PKNOX1: variants seen among roughly 807,000 people sequenced by gnomAD.
PKNOX1 encodes PBX/knotted 1 homeobox 1, also known as homeobox protein PKNOX1.
In PKNOX1, 15 loss-of-function variants were observed where a neutral mutation model predicts 51.9. That is an observed-to-expected ratio of 0.29 (90% CI 0.19 to 0.45). The LOEUF (loss-of-function observed/expected upper bound fraction) is 0.45, where lower values mean the gene tolerates loss of function less well. Among genes scored for constraint, PKNOX1 ranks in the 20% least tolerant of loss-of-function variants. PKNOX1 has a pLI of 1.00. For missense variants in PKNOX1, 462 were observed against 547.5 expected, an observed-to-expected ratio of 0.84 and a Z score of 1.56; for synonymous variants, 219 against 211.1, an observed-to-expected ratio of 1.04 and a Z score of -0.32.
intron 1 of PKNOX1, chr21:43,004,085 A>G (rs1248069091): frequency 8.0e-6 from 2 of 249,108 alleles, no homozygotes; most frequent in East Asian, 2.2e-4. Flanking sequence ...TAAAAACACA[A>G]AATTATCCAG....
Position 42,975,846 on chromosome 21 carries a change from C to T in PKNOX1, c.-57+1182C>T, listed in dbSNP as rs867554491. ...TTTTCCTTAGGAAGTGGTTCCTCTT[C>T]AGGATGAAAGAAACCCCCAGCTTTA... On this transcript the variant is annotated intron_variant, in intron 1 of 10. Coordinates refer to ENST00000291547, the MANE Select transcript of PKNOX1 (RefSeq NM_004571.5). 5.3e-5 allele frequency among the ~76,000 whole-genome samples: 8 copies of T among 152,372 alleles called. No homozygotes were observed. In the South Asian group the frequency reaches 1.7e-3, roughly 32 times the overall value.
At chr21:43,018,085 ATCATTGAGACTT>A in intron 6 of PKNOX1, 36 bp from the exon 7 acceptor site, 1 of 804,636 alleles carries the variant, frequency 1.2e-6, no homozygotes. Flanking sequence ...AATGGTTTAA[ATCATTGAGACTT>A]AAAAGCAGCC....
intron 9 of PKNOX1, among the ~76,000 whole-genome samples, chr21:43,025,313 T>G (rs987493705): frequency 6.6e-6 from 1 of 152,236 alleles, no homozygotes; most frequent in African/African-American, 2.4e-5. Flanking sequence ...GAGCTGTTTC[T>G]CTAGGGTGCT....
intron 9 of PKNOX1, among the ~76,000 whole-genome samples, chr21:43,027,994 C>T (rs1439874121): frequency 1.3e-5 from 2 of 152,238 alleles, no homozygotes; most frequent in Admixed American, 1.3e-4. Flanking sequence ...AGTCTTATCA[C>T]AGGCGTGAGT....
intron 1 of PKNOX1, among the ~76,000 whole-genome samples, chr21:42,975,254 C>T (rs573377663): frequency 6.9e-6 from 1 of 145,154 alleles, no homozygotes; most frequent in Non-Finnish European, 1.5e-5. Flanking sequence ...ACCCCGGCCC[C>T]GGCCTCGGCC....
At chr21:43,025,002 ACC>A in intron 9 of PKNOX1, 55 bp downstream of exon 9, 2 of 1,060,004 alleles carry the variant, frequency 1.9e-6, no homozygotes, top group Non-Finnish European at 2.9e-6. Context: ...GCACTTGGAA[ACC>A]CTGGCACCAA....
intron 1 of PKNOX1, among the ~76,000 whole-genome samples, chr21:42,994,918 C>CTTTTT (rs11361350): frequency 3.5e-4 from 40 of 113,576 alleles, no homozygotes; most frequent in Non-Finnish European, 5.0e-4. Context: ...TTTCTTTCTT[C>CTTTTT]TTTTTTTTTT....
At chr21:43,014,601 G>A (rs966311764) in intron 5 of PKNOX1, among the ~76,000 whole-genome samples, 2 of 152,260 alleles carry the variant, frequency 1.3e-5, no homozygotes, top group East Asian at 1.9e-4. Context: ...CAAAGACTTC[G>A]TCTTAAGTTT....
At chr21:43,018,269 GC>G in intron 7 of PKNOX1, 39 bp downstream of exon 7, 1 of 1,332,500 alleles carries the variant, frequency 7.5e-7, no homozygotes, top group Non-Finnish European at 1.1e-6. Context: ...GGGGGCGAGT[GC>G]TGCCCACATA....
chr21:43,006,645 C>T (rs1476038912), intron 2 of PKNOX1, among the ~76,000 whole-genome samples: 1 of 152,150 alleles, frequency 6.6e-6, no homozygotes, highest in Non-Finnish European at 1.5e-5. Context: ...GCGTCCTGTG[C>T]GGGTGGGCGT....
At position 43,010,039 on chromosome 21, in the gene PKNOX1, T is replaced by C. The variant is rs536519345; in HGVS notation, c.180-14T>C. ...TAGAACGTAAATGGATTCTTTTTTT[T>C]CTTTTCTCCTCAGGCATCCACTATT... On this transcript the variant is annotated splice_polypyrimidine_tract_variant and intron_variant, in intron 3 of 10. Transcript: ENST00000291547. The C allele has an allele frequency of 5.9e-6, 9 of 1,517,630 alleles. No homozygotes were observed. The East Asian group carries it at 2.1e-4, about 36-fold the overall frequency. The allele number at this position is 1,517,630 out of a possible 1,614,324, so 94.0% of individuals were successfully genotyped here.
At chr21:43,012,980 C>A in intron 4 of PKNOX1, 88 bp from the exon 5 acceptor site, 1 of 1,037,496 alleles carries the variant, frequency 9.6e-7, no homozygotes, top group Non-Finnish European at 1.4e-6. Flanking sequence ...ATGGTTCTAT[C>A]TAATGACTAA....
intron 8 of PKNOX1, among the ~76,000 whole-genome samples, chr21:43,023,556 GA>G (rs1366016825): frequency 1.3e-5 from 2 of 152,068 alleles, no homozygotes; most frequent in African/African-American, 4.8e-5. Context: ...CAACCTTGGA[GA>G]AATTATTTAC....
chr21:42,995,784 T>C (rs376025002), intron 1 of PKNOX1, among the ~76,000 whole-genome samples: 15 of 152,378 alleles, frequency 9.8e-5, no homozygotes, highest in Non-Finnish European at 1.2e-4. Context: ...CGATGATTCC[T>C]GTCTGAAACG....
chr21:43,018,828 G>A (rs1979627867), intron 7 of PKNOX1, among the ~76,000 whole-genome samples: 1 of 152,188 alleles, frequency 6.6e-6, no homozygotes, highest in South Asian at 2.1e-4. Flanking sequence ...GCACGGTGAC[G>A]TCTGTAATCC....
intron 2 of PKNOX1, among the ~76,000 whole-genome samples, chr21:43,005,224 C>T (rs988909099): frequency 6.6e-6 from 1 of 152,150 alleles, no homozygotes; most frequent in Non-Finnish European, 1.5e-5. Context: ...GTGCAGTACA[C>T]CCCCCTCGGC....
At chr21:43,026,893 G>A (rs1357615538) in intron 9 of PKNOX1, among the ~76,000 whole-genome samples, 1 of 152,102 alleles carries the variant, frequency 6.6e-6, no homozygotes. Context: ...GGCGGGATCC[G>A]ATCTGCTTCA....
In PKNOX1 at chr21:43,021,302, G is replaced by A. The variant is rs1231665448; in HGVS notation, c.721-1G>A. ...CTAATGTTATTTTTCAACTTTAAAA[G>A]CTTCAGTTACAGTTAAACCAAGATC... On this transcript the variant is annotated splice_acceptor_variant, in intron 7 of 10. Transcript: ENST00000291547. LOFTEE classifies it high-confidence loss of function. The surrounding 1 kb of genome is among the most constrained non-coding windows in gnomAD (Gnocchi z 4.6). 2 of 1,591,958 alleles carry A rather than the reference G, an allele frequency of 1.3e-6. No individual in the cohort carries two copies. The highest frequency in any genetic ancestry group is 1.1e-5 in the South Asian group (1 of 88,840).
chr21:43,027,490 C>T (rs929153300), intron 9 of PKNOX1, among the ~76,000 whole-genome samples: 3 of 152,180 alleles, frequency 2.0e-5, no homozygotes, highest in Non-Finnish European at 4.4e-5. Flanking sequence ...AGTCTCCTTG[C>T]ACTTTCTCAC....
Sources: allele counts gnomAD v4.1 joint callset (sites outside exome capture counted in the v4.1 genomes callset), GRCh38; gene constraint gnomAD v4.1.1; non-coding constraint Gnocchi (gnomAD v3.1); transcripts MANE v1.5; gene names NCBI Gene and HGNC (gene_info 2026-07-23, HGNC 2026-07-21).